Variants in SCAPER observed in about 807,000 individuals in gnomAD.
SCAPER encodes S phase cyclin A-associated protein in the endoplasmic reticulum.
SCAPER carries 98 observed loss-of-function variants against 182.2 expected under a neutral mutation model. That is an observed-to-expected ratio of 0.54 (90% confidence interval 0.46 to 0.64). The LOEUF (loss-of-function observed/expected upper bound fraction) is 0.64. SCAPER is among the 30% of genes least tolerant of loss of function. The pLI is 0.00. For synonymous variants in SCAPER, 605 were observed against 564.6 expected (o/e 1.07, Z -1.01); for missense variants, 1,432 against 1,690.0 (o/e 0.85, Z 2.68).
At chr15:76,706,079 G>A (rs1449404294) in intron 17 of SCAPER, 95 bp from the exon 18 acceptor site, 1 of 820,940 alleles carries the variant, frequency 1.2e-6, no homozygotes, top group Non-Finnish European at 1.8e-6. Context: ...GGGTCATATA[G>A]TCTAAAGGGC....
At chr15:76,621,932 T>C in intron 21 of SCAPER, 103 bp from the exon 22 acceptor site, 1 of 739,778 alleles carries the variant, frequency 1.4e-6, no homozygotes, top group Non-Finnish European at 2.2e-6. Context: ...ACACTAAGCC[T>C]ATTAAATCTG....
chr15:76,396,220 G>A (rs923721671), intron 27 of SCAPER, among the ~76,000 whole-genome samples: 1 of 152,098 alleles, frequency 6.6e-6, no homozygotes, highest in Non-Finnish European at 1.5e-5. Flanking sequence ...ATGCTGTTTT[G>A]ATTATTACAG....
chr15:76,497,358 G>A (rs771121058), intron 24 of SCAPER, among the ~76,000 whole-genome samples: 10 of 152,048 alleles, frequency 6.6e-5, no homozygotes, highest in Non-Finnish European at 1.3e-4. Flanking sequence ...TAGATTGGTT[G>A]CTCTTGAGTC....
intron 26 of SCAPER, among the ~76,000 whole-genome samples, chr15:76,420,217 C>T (rs1027027025): frequency 6.6e-6 from 1 of 150,656 alleles, no homozygotes; most frequent in African/African-American, 2.4e-5. Context: ...ACTTTCACCC[C>T]TCTATAGATG....
At chr15:76,536,782 G>C (rs898015060) in intron 23 of SCAPER, among the ~76,000 whole-genome samples, 1 of 152,128 alleles carries the variant, frequency 6.6e-6, no homozygotes, top group African/African-American at 2.4e-5. Context: ...AATTGTCCCT[G>C]TTTGCAGATG....
At chr15:76,765,183 C>T (rs986112744) in intron 13 of SCAPER, 111 bp from the exon 14 acceptor site, 51 of 1,057,926 alleles carry the variant, frequency 4.8e-5, no homozygotes, top group Non-Finnish European at 6.4e-5. Flanking sequence ...AATTTTGGCC[C>T]AACATTTCGG....
chr15:76,646,684 C>G (rs1227306317), intron 21 of SCAPER, among the ~76,000 whole-genome samples: 1 of 152,212 alleles, frequency 6.6e-6, no homozygotes, highest in Non-Finnish European at 1.5e-5. Flanking sequence ...CTCACAGCGA[C>G]TCCTTTTCCA....
chr15:76,782,145 T>A (rs564013085), intron 8 of SCAPER, among the ~76,000 whole-genome samples: 2 of 151,684 alleles, frequency 1.3e-5, no homozygotes, highest in African/African-American at 4.8e-5. Flanking sequence ...GAGACCCATC[T>A]CATGTGCAGA....
chr15:76,806,543 T>C lies in SCAPER; in HGVS notation c.394-1910A>G, dbSNP rs193227004. On this transcript the variant is annotated intron_variant, in intron 5 of 31. Coordinates refer to ENST00000563290, the MANE Select transcript of SCAPER (RefSeq NM_020843.4). ...TACATACTTTGCATCCCCATATGAA[T>C]TTAAGATCCACTTGTCCATTTCTGC... Among the ~76,000 whole-genome samples, 466 of 152,286 alleles carry C rather than the reference T, an allele frequency of 3.1e-3. 5 individuals are homozygous for C. Among genetic ancestry groups the C allele is most frequent in the Non-Finnish European group, 1.7e-3 (114 of 68,022 alleles).
At chr15:76,378,191 C>T (rs2042697804) in intron 28 of SCAPER, among the ~76,000 whole-genome samples, 1 of 152,200 alleles carries the variant, frequency 6.6e-6, no homozygotes, top group African/African-American at 2.4e-5. Flanking sequence ...GTGATGCATT[C>T]GAACCCAAAT....
chr15:76,660,977 G>A (rs916312064), intron 21 of SCAPER, among the ~76,000 whole-genome samples: 2 of 151,986 alleles, frequency 1.3e-5, no homozygotes, highest in Admixed American at 1.3e-4. Flanking sequence ...GATATTCCAT[G>A]TGTAACACTT....
At chr15:76,568,312 G>A (rs934448914) in intron 23 of SCAPER, among the ~76,000 whole-genome samples, 3 of 150,950 alleles carry the variant, frequency 2.0e-5, no homozygotes, top group African/African-American at 7.4e-5. Context: ...TAATTACTGT[G>A]GCTTTATAAA....
At chr15:76,750,579 G>A (rs1473351814) in intron 15 of SCAPER, among the ~76,000 whole-genome samples, 2 of 151,744 alleles carry the variant, frequency 1.3e-5, no homozygotes, top group East Asian at 3.8e-4. Flanking sequence ...ATGACCAAGT[G>A]GGATTTATTC....
At position 76,896,146 on chromosome 15, in the gene SCAPER, G is replaced by A. The variant is rs573249197; in HGVS notation, c.-60+9153C>T. The stretch of plus-strand genomic sequence containing the variant: ...GCACTTTGGGAGGCCAAGGCAGGCC[G>A]ATCACTTCAGCCCAGGAGTTCGAGA... On this transcript the variant is annotated intron_variant, in intron 1 of 31. Coordinates refer to ENST00000563290, the MANE Select transcript of SCAPER (RefSeq NM_020843.4). Among the ~76,000 whole-genome samples, 19 of 152,176 alleles carry A rather than the reference G, an allele frequency of 1.2e-4. 1 individual carries two copies. Among genetic ancestry groups the A allele is most frequent in the African/African-American group, 3.9e-4 (16 of 41,506 alleles).
At chr15:76,518,661 T>C (rs144622911) in intron 23 of SCAPER, among the ~76,000 whole-genome samples, 51 of 152,282 alleles carry the variant, frequency 3.3e-4, no homozygotes, top group African/African-American at 1.2e-3. Flanking sequence ...CATTGCAAAA[T>C]GTGTTCCTAT....
intron 5 of SCAPER, among the ~76,000 whole-genome samples, chr15:76,809,770 G>C (rs942365147): frequency 6.7e-6 from 1 of 149,982 alleles, no homozygotes; most frequent in Non-Finnish European, 1.5e-5. Flanking sequence ...CAAATAACTA[G>C]ACGAATCCAG....
At chr15:76,659,125 G>C (rs1202582713) in intron 21 of SCAPER, among the ~76,000 whole-genome samples, 1 of 152,128 alleles carries the variant, frequency 6.6e-6, no homozygotes, top group East Asian at 1.9e-4. Context: ...AATATTACCA[G>C]AGTAAACAGC....
At chr15:76,435,795 T>C (rs966320968) in intron 25 of SCAPER, among the ~76,000 whole-genome samples, 10 of 152,318 alleles carry the variant, frequency 6.6e-5, no homozygotes, top group East Asian at 3.9e-4. Context: ...TTTTGAAGGA[T>C]TGCTCCATTG....
intron 23 of SCAPER, among the ~76,000 whole-genome samples, chr15:76,558,170 GT>G (rs1297855339): frequency 2.0e-5 from 3 of 152,074 alleles, no homozygotes; most frequent in Admixed American, 6.5e-5. Flanking sequence ...AAACTAAAGA[GT>G]TTCTGCACAG....
Sources: gnomAD v4.1 joint callset for allele counts (sites outside exome capture counted in the v4.1 genomes callset) on GRCh38, gnomAD v4.1.1 for gene constraint, MANE v1.5 for transcripts, NCBI Gene and HGNC (gene_info 2026-07-23, HGNC 2026-07-21) for gene names.